Variants in SPIC observed in about 807,000 individuals in gnomAD.
SPIC encodes the protein Spi-C transcription factor.
Under a neutral mutation model 16.7 loss-of-function variants are expected in SPIC, and 9 were observed. The observed-to-expected ratio is 0.54, with a 90% confidence interval of 0.33 to 0.94. The LOEUF is 0.94. SPIC is among the 40% of genes least tolerant of loss of function. The pLI is 0.03. For synonymous variants in SPIC, 97 were observed against 102.9 expected (o/e 0.94, Z 0.35); for missense variants, 241 against 285.8 (o/e 0.84, Z 1.13).
chr12:101,481,016 A>T (rs565152809), intron 4 of SPIC, among the ~76,000 whole-genome samples: 10 of 151,176 alleles, frequency 6.6e-5, no homozygotes, highest in Admixed American at 2.0e-4. Context: ...ATCCCTGGGG[A>T]CTCCTTGCCT....
rs5800473 is a variant in SPIC, at chr12:101,479,307, AAAAGAAAGAAAG to A, written c.98-235_98-224del. 1.2e-3 allele frequency among the ~76,000 whole-genome samples: 102 copies of A among 88,214 alleles called. 2 individuals are homozygous for A. The highest frequency in any genetic ancestry group is 5.2e-3 in the East Asian group (15 of 2,906). 57.9% of individuals were successfully genotyped at this position (88,214 alleles called of 152,430 possible). On this transcript the variant is annotated intron_variant, in intron 3 of 5. Coordinates refer to ENST00000551346, the MANE Select transcript of SPIC (RefSeq NM_152323.3). ...GAAAAAGAAAGAAAGAAAGAAAGAA[AAAAGAAAGAAAG>A]AAAGAAAGAAAGAAAGAAAGAAAGA...
intron 4 of SPIC, among the ~76,000 whole-genome samples, chr12:101,480,088 T>A (rs1873140122): frequency 6.6e-6 from 1 of 152,170 alleles, no homozygotes; most frequent in Non-Finnish European, 1.5e-5. Flanking sequence ...AAGGGAAGGA[T>A]TACAGGCGTG....
chr12:101,480,382 CT>C (rs949649217), intron 4 of SPIC, among the ~76,000 whole-genome samples: 30 of 152,334 alleles, frequency 2.0e-4, no homozygotes, highest in African/African-American at 7.2e-4. Context: ...TACCTACAGT[CT>C]TGTATTAGAC....
rs1872973721 is a variant in SPIC, at chr12:101,476,918, A to G, written c.3+11A>G. 2 of 1,455,008 alleles carry G rather than the reference A, an allele frequency of 1.4e-6. No homozygotes were observed. Among genetic ancestry groups the G allele is most frequent in the African/African-American group, 1.4e-5 (1 of 69,634 alleles). 90.1% of individuals were successfully genotyped at this position (1,455,008 alleles called of 1,614,324 possible). On this transcript the variant is annotated intron_variant, in intron 2 of 5. Coordinates refer to ENST00000551346, the MANE Select transcript of SPIC (RefSeq NM_152323.3). ...TATTAATGAAATATGGTAAGCTGAC[A>G]TTTTAATATTTTCTTTACTCTGTCC...
chr12:101,484,845 G>A (rs1873319497), intron 5 of SPIC, among the ~76,000 whole-genome samples: 1 of 151,626 alleles, frequency 6.6e-6, no homozygotes, highest in Non-Finnish European at 1.5e-5. Flanking sequence ...TCCAGCCTGG[G>A]CGACAGAGCG....
chr12:101,477,434 AC>A (rs1872990704), intron 2 of SPIC, 123 bp from the exon 3 acceptor site: 1 of 873,612 alleles, frequency 1.1e-6, no homozygotes, highest in African/African-American at 1.7e-5. Flanking sequence ...GAGACAGCCA[AC>A]ACCAAATGCC....
chr12:101,479,980 T>C (rs1179436093), intron 4 of SPIC, among the ~76,000 whole-genome samples: 1 of 151,868 alleles, frequency 6.6e-6, no homozygotes. Context: ...CAATGCCCAG[T>C]TAACTTCTGT....
intron 3 of SPIC, 34 bp downstream of exon 3, chr12:101,477,685 A>G (rs373969371): frequency 1.6e-4 from 252 of 1,556,478 alleles, no homozygotes; most frequent in Non-Finnish European, 2.1e-4. Context: ...TTCTGCTGGT[A>G]CATCAAATGG....
chr12:101,479,635 T>G lies in SPIC; in HGVS notation c.151T>G (p.Ser51Ala). Residue 51 changes from serine to alanine, a missense_variant, in exon 4 of 6, where the codon TCC becomes GCC. By Grantham distance (99) the Ser-to-Ala change is moderately conservative. Transcript: ENST00000551346. ...INHRPHVKGN[S>A]SCYGVLPTEE... ...CCATCGTCCTCATGTCAAAGGAAAT[T>G]CCAGCTGCTATGGAGTGTTGCCTAC... 1 of 1,613,710 alleles carries G rather than the reference T, an allele frequency of 6.2e-7. No individual in the cohort carries two copies. Among genetic ancestry groups the G allele is most frequent in the East Asian group, 2.2e-5 (1 of 44,858 alleles).
intron 4 of SPIC, among the ~76,000 whole-genome samples, chr12:101,482,329 C>A (rs1400150254): frequency 1.3e-5 from 2 of 151,912 alleles, no homozygotes; most frequent in Admixed American, 1.3e-4. Flanking sequence ...CTTGGCTTCC[C>A]AAACTGTTGA....
Position 101,483,086 on chromosome 12 carries a change from G to GTTTTTTTTTTTTTTT in SPIC, c.319+189_319+203dup, listed in dbSNP as rs58442228. Among the ~76,000 whole-genome samples the GTTTTTTTTTTTTTTT allele has an allele frequency of 3.1e-5, 4 of 129,096 alleles. 1 individual carries two copies. Among genetic ancestry groups the GTTTTTTTTTTTTTTT allele is most frequent in the Non-Finnish European group, 1.6e-5 (1 of 61,700 alleles). The allele number at this position is 129,096 out of a possible 152,430, so 84.7% of individuals were successfully genotyped here. ...ATTCATCTTGGGTGAGACTTCCTGT[G>GTTTTTTTTTTTTTTT]TTTTTTTTTTTTTTTTTCTGAGACA... On this transcript the variant is annotated intron_variant, in intron 5 of 5. Transcript: ENST00000551346.
chr12:101,478,622 A>C (rs1356364372), intron 3 of SPIC, among the ~76,000 whole-genome samples: 1 of 152,226 alleles, frequency 6.6e-6, no homozygotes. Flanking sequence ...ACATTTATTT[A>C]TCTAATAGAC....
intron 4 of SPIC, 57 bp downstream of exon 4, chr12:101,479,751 C>A: frequency 7.7e-7 from 1 of 1,304,206 alleles, no homozygotes; most frequent in Non-Finnish European, 1.1e-6. Flanking sequence ...GCCAGCCTTC[C>A]ATTTCACATA....
intron 3 of SPIC, among the ~76,000 whole-genome samples, chr12:101,479,256 AGGAAG>A: frequency 1.0e-5 from 1 of 95,796 alleles, no homozygotes; most frequent in East Asian, 2.9e-4. Flanking sequence ...GAAAGAAAGA[AGGAAG>A]GAAAGAAAGA....
intron 4 of SPIC, among the ~76,000 whole-genome samples, chr12:101,480,448 T>C (rs1225573579): frequency 6.6e-6 from 1 of 152,232 alleles, no homozygotes; most frequent in Non-Finnish European, 1.5e-5. Context: ...GACCAATTCA[T>C]TGATATTTTA....
Position 101,486,405 on chromosome 12 carries a change from A to G in SPIC, c.381A>G (p.Ala127=), listed in dbSNP as rs754698164. Residue 127 remains alanine, a synonymous_variant, in exon 6 of 6, where the codon GCA becomes GCG. Transcript: ENST00000551346. ...AATCCCTGTATAATCCGGAGATGGC[A>G]TCTTGTATTCAGTGGGTAGATAAAA... ...LHESLYNPEM[A]SCIQWVDKTK... 5 of 1,614,122 alleles carry G rather than the reference A, an allele frequency of 3.1e-6. No individual in the cohort carries two copies. In the African/African-American group the frequency reaches 6.7e-5, roughly 22 times the overall value.
At chr12:101,481,286 A>G (rs145552212) in intron 4 of SPIC, among the ~76,000 whole-genome samples, 138 of 152,186 alleles carry the variant, frequency 9.1e-4, no homozygotes, top group African/African-American at 3.0e-3. Context: ...TCCTGGGGTC[A>G]AGGGATCCTC....
At position 101,482,835 on chromosome 12, in the gene SPIC, C is replaced by A; in HGVS notation, c.254C>A (p.Ser85Tyr). The A allele has an allele frequency of 1.9e-6, 3 of 1,614,016 alleles. No individual in the cohort carries two copies. The highest frequency in any genetic ancestry group is 2.5e-6 in the Non-Finnish European group (3 of 1,179,980). ...DFYFEGNIHQ[S>Y]LQNITENQLV... Reference sequence around the variant, plus strand: ...TATTTTGAAGGAAATATTCATCAATCTCTGCAGAACATAACTGAAAACCAG... The same window carrying A: ...TATTTTGAAGGAAATATTCATCAATATCTGCAGAACATAACTGAAAACCAG... The change falls in exon 5 of 6, where the codon TCT becomes TAT. Residue 85 changes from serine (S) to tyrosine (Y), a missense_variant. Ser to Tyr is a moderately radical substitution (Grantham distance 144). Transcript: ENST00000551346.
At chr12:101,477,520 A>C in intron 2 of SPIC, 38 bp from the exon 3 acceptor site, 2 of 1,566,146 alleles carry the variant, frequency 1.3e-6, no homozygotes, top group Non-Finnish European at 1.8e-6. Context: ...TTTAATTGGT[A>C]ATTCGAAAAC....
Sources: gnomAD v4.1 joint callset for allele counts (sites outside exome capture counted in the v4.1 genomes callset) on GRCh38, gnomAD v4.1.1 for gene constraint, MANE v1.5 for transcripts, NCBI Gene and HGNC (gene_info 2026-07-23, HGNC 2026-07-21) for gene names.